Variants in CCDC91 observed in about 807,000 individuals in gnomAD.
CCDC91 encodes coiled-coil domain containing 91, also known as coiled-coil domain-containing protein 91.
In CCDC91, 48 loss-of-function variants were observed where a neutral mutation model predicts 63.2. The observed-to-expected ratio is 0.76, with a 90% CI of 0.60 to 0.97. CCDC91 has a LOEUF of 0.97. CCDC91 is among the 50% of genes least tolerant of loss of function. The pLI, the probability that CCDC91 is intolerant of heterozygous loss-of-function variation, is 0.00. For missense variants in CCDC91, 500 were observed against 494.6 expected, an observed-to-expected ratio of 1.01 and a Z score of -0.10; for synonymous variants, 167 against 165.8, an observed-to-expected ratio of 1.01 and a Z score of -0.06.
intron 3 of CCDC91, among the ~76,000 whole-genome samples, chr12:28,264,599 G>GTA (rs1349001375): frequency 6.7e-6 from 1 of 149,892 alleles, no homozygotes; most frequent in African/African-American, 2.4e-5. Flanking sequence ...GTGTGTGTGT[G>GTA]TGTGTGTGTG....
At chr12:28,322,968 T>C (rs1940659619) in intron 6 of CCDC91, among the ~76,000 whole-genome samples, 1 of 151,534 alleles carries the variant, frequency 6.6e-6, no homozygotes, top group African/African-American at 2.4e-5. Context: ...TGATCATTTT[T>C]CCCCTACATT....
intron 8 of CCDC91, 136 bp from the exon 9 acceptor site, chr12:28,450,025 C>T (rs1949722801): frequency 1.3e-5 from 7 of 518,864 alleles, no homozygotes; most frequent in South Asian, 3.5e-5. Flanking sequence ...CCTGAACCTT[C>T]GTTTTAGGGA....
At chr12:28,280,040 C>T (rs945320854) in intron 3 of CCDC91, among the ~76,000 whole-genome samples, 1 of 151,998 alleles carries the variant, frequency 6.6e-6, no homozygotes, top group Non-Finnish European at 1.5e-5. Context: ...ATTAAATCTC[C>T]AAATGTATTT....
chr12:28,366,383 C>G (rs1944274045), intron 7 of CCDC91, among the ~76,000 whole-genome samples: 1 of 152,224 alleles, frequency 6.6e-6, no homozygotes, highest in South Asian at 2.1e-4. Flanking sequence ...AGCCTGCTTT[C>G]TCTAACCAAA....
At chr12:28,212,897 G>A (rs1324330983) in intron 1 of CCDC91, among the ~76,000 whole-genome samples, 2 of 152,146 alleles carry the variant, frequency 1.3e-5, no homozygotes, top group African/African-American at 4.8e-5. Context: ...CTAGGCATTG[G>A]GGGATACAGG....
rs540371501 is a variant in CCDC91, at chr12:28,418,035, C to T, written c.762+26624C>T. ...AAATCTGCAATAAAACATACATGTG[C>T]AGCTTTTGGAATACATATGTTTTCC... On this transcript the variant is annotated intron_variant, in intron 8 of 12. Transcript: ENST00000536442. 3.3e-4 allele frequency among the ~76,000 whole-genome samples: 50 copies of T among 152,226 alleles called. No homozygotes were observed. The South Asian group carries it at 9.7e-3, about 30-fold the overall frequency.
intron 6 of CCDC91, among the ~76,000 whole-genome samples, chr12:28,310,269 T>G (rs1265896492): frequency 6.6e-6 from 1 of 152,052 alleles, no homozygotes; most frequent in Non-Finnish European, 1.5e-5. Flanking sequence ...AGTTTTTCCA[T>G]CTATAAATGG....
intron 6 of CCDC91, among the ~76,000 whole-genome samples, chr12:28,339,526 T>TG (rs1227254829): frequency 6.7e-6 from 1 of 149,868 alleles, no homozygotes; most frequent in African/African-American, 2.5e-5. Flanking sequence ...CAAAAATATT[T>TG]GGGAAAAAAA....
chr12:28,311,252 CCTTATTA>C (rs1197589376), intron 6 of CCDC91, among the ~76,000 whole-genome samples: 1 of 151,966 alleles, frequency 6.6e-6, no homozygotes, highest in Non-Finnish European at 1.5e-5. Context: ...AGGAGAGGCA[CCTTATTA>C]CTGTTCCACG....
intron 3 of CCDC91, among the ~76,000 whole-genome samples, chr12:28,286,401 G>T (rs912326299): frequency 6.6e-6 from 1 of 151,898 alleles, no homozygotes; most frequent in Non-Finnish European, 1.5e-5. Flanking sequence ...AGTGTCTGTT[G>T]TTTCTCTCCA....
chr12:28,411,919 A>T (rs1947341605), intron 8 of CCDC91, among the ~76,000 whole-genome samples: 1 of 152,184 alleles, frequency 6.6e-6, no homozygotes, highest in African/African-American at 2.4e-5. Flanking sequence ...TGAGGGATCC[A>T]CTCCGATAAC....
chr12:28,425,018 G>A (rs1007472251), intron 8 of CCDC91, among the ~76,000 whole-genome samples: 14 of 152,102 alleles, frequency 9.2e-5, no homozygotes, highest in African/African-American at 3.1e-4. Context: ...TGTACTTGAG[G>A]AGTCCAGATC....
At chr12:28,545,329 G>A (rs1184508583) in intron 12 of CCDC91, among the ~76,000 whole-genome samples, 1 of 152,048 alleles carries the variant, frequency 6.6e-6, no homozygotes, top group Non-Finnish European at 1.5e-5. Context: ...AGAAGGTCAT[G>A]CCTAATAAAA....
At chr12:28,377,114 C>T (rs1255158626) in intron 7 of CCDC91, among the ~76,000 whole-genome samples, 2 of 150,886 alleles carry the variant, frequency 1.3e-5, no homozygotes, top group African/African-American at 4.9e-5. Flanking sequence ...TCCTCTCTTC[C>T]CCCTATTTTT....
intron 11 of CCDC91, among the ~76,000 whole-genome samples, chr12:28,453,342 G>T (rs1453187228): frequency 6.6e-6 from 1 of 151,808 alleles, no homozygotes; most frequent in East Asian, 1.9e-4. Flanking sequence ...AAAAGCAAAA[G>T]AATAACATTC....
chr12:28,383,432 G>T (rs888653718), intron 7 of CCDC91, among the ~76,000 whole-genome samples: 8 of 152,210 alleles, frequency 5.3e-5, no homozygotes, highest in Non-Finnish European at 1.2e-4. Flanking sequence ...GAAAAATTTG[G>T]AAGGGAGAAC....
chr12:28,530,192 A>G (rs1426197104), intron 12 of CCDC91, among the ~76,000 whole-genome samples: 1 of 152,196 alleles, frequency 6.6e-6, no homozygotes, highest in South Asian at 2.1e-4. Flanking sequence ...CTTTGAGTCT[A>G]TGTCATAAAA....
At chr12:28,500,899 C>T (rs1937746174) in intron 12 of CCDC91, among the ~76,000 whole-genome samples, 1 of 151,620 alleles carries the variant, frequency 6.6e-6, no homozygotes. Flanking sequence ...AGTGTATGAT[C>T]TGGCAAATCT....
intron 2 of CCDC91, among the ~76,000 whole-genome samples, chr12:28,257,562 G>C (rs992611790): frequency 1.3e-5 from 2 of 152,070 alleles, no homozygotes; most frequent in African/African-American, 2.4e-5. Context: ...ATACATGTCT[G>C]TTAGGAAATA....
Sources: allele counts gnomAD v4.1 joint callset (sites outside exome capture counted in the v4.1 genomes callset), GRCh38; gene constraint gnomAD v4.1.1; transcripts MANE v1.5; gene names NCBI Gene and HGNC (gene_info 2026-07-23, HGNC 2026-07-21).